LRP2: variants seen among roughly 807,000 people sequenced by gnomAD.
The protein encoded by LRP2 is low-density lipoprotein receptor-related protein 2.
LRP2 carries 172 observed loss-of-function variants against 531.0 expected under a neutral mutation model. That is an observed-to-expected ratio of 0.32 (90% CI 0.29 to 0.37). The LOEUF (loss-of-function observed/expected upper bound fraction) is 0.37, where lower values mean the gene tolerates loss of function less well. LRP2 is among the 10% of genes least tolerant of loss of function. The pLI, the probability that LRP2 is intolerant of heterozygous loss-of-function variation, is 1.00. For synonymous variants in LRP2, 1,992 were observed against 2,027.6 expected, an observed-to-expected ratio of 0.98 and a Z score of 0.47; for missense variants, 5,167 against 5,868.3, an observed-to-expected ratio of 0.88 and a Z score of 3.90.
chr2:169,295,489 T>C (rs1684112157), intron 4 of LRP2, among the ~76,000 whole-genome samples: 1 of 152,210 alleles, frequency 6.6e-6, no homozygotes, highest in Non-Finnish European at 1.5e-5. Context: ...AGGAATAACG[T>C]GCTATCTGTC....
chr2:169,205,334 A>G, intron 41 of LRP2, 145 bp downstream of exon 41: 1 of 864,944 alleles, frequency 1.2e-6, no homozygotes, highest in Non-Finnish European at 1.9e-6. Flanking sequence ...TCCAATATAA[A>G]CATAGTTCCT....
At chr2:169,173,566 A>G (rs1007056832) in intron 56 of LRP2, among the ~76,000 whole-genome samples, 3 of 152,158 alleles carry the variant, frequency 2.0e-5, no homozygotes, top group Non-Finnish European at 4.4e-5. Context: ...CAGTTTCCTC[A>G]TCTGTAAAAT....
At chr2:169,299,138 AG>A (rs1684217528) in intron 4 of LRP2, among the ~76,000 whole-genome samples, 1 of 45,704 alleles carries the variant, frequency 2.2e-5, no homozygotes, top group Non-Finnish European at 5.4e-5. Context: ...AAAGAAAGAA[AG>A]AAAGAAAGAA....
In LRP2 at chr2:169,294,892, CATTA is replaced by C. The variant is rs1422291830; in HGVS notation, c.428-186_428-183del. Reference sequence around the variant, plus strand: ...AGTAAGGCTGGACATGGGAGACAGACATTAATCAAATAAGACACAAATGGTAAAT... The same window carrying C: ...AGTAAGGCTGGACATGGGAGACAGACATCAAATAAGACACAAATGGTAAAT... On this transcript the variant is annotated intron_variant, in intron 4 of 78. Coordinates refer to ENST00000649046, the MANE Select transcript of LRP2 (RefSeq NM_004525.3). Among the ~76,000 whole-genome samples the C allele has an allele frequency of 3.5e-5, 3 of 84,828 alleles. No individual in the cohort carries two copies. The South Asian group carries it at 1.5e-3, about 42-fold the overall frequency. 55.7% of individuals were successfully genotyped at this position (84,828 alleles called of 152,430 possible).
chr2:169,307,519 C>G (rs1033583251), intron 3 of LRP2, 122 bp from the exon 4 acceptor site: 9 of 703,180 alleles, frequency 1.3e-5, no homozygotes, highest in Admixed American at 4.0e-5. Flanking sequence ...AAGTACCTGG[C>G]TACCACCAAG....
intron 1 of LRP2, among the ~76,000 whole-genome samples, chr2:169,329,391 C>T (rs1408223020): frequency 6.6e-6 from 1 of 152,014 alleles, no homozygotes; most frequent in Non-Finnish European, 1.5e-5. Flanking sequence ...AAAAAAAGAA[C>T]AAAAACTTGA....
chr2:169,268,470 C>T (rs1210647872), intron 16 of LRP2, among the ~76,000 whole-genome samples: 5 of 152,162 alleles, frequency 3.3e-5, no homozygotes, highest in Admixed American at 1.3e-4. Flanking sequence ...AATCAATAAA[C>T]GTAATCCAGC....
At chr2:169,351,545 G>T (rs1394540134) in intron 1 of LRP2, among the ~76,000 whole-genome samples, 1 of 152,198 alleles carries the variant, frequency 6.6e-6, no homozygotes, top group Non-Finnish European at 1.5e-5. Flanking sequence ...AATGATGATG[G>T]TTGAGTTATA....
intron 52 of LRP2, among the ~76,000 whole-genome samples, chr2:169,179,143 G>A (rs1253658683): frequency 6.6e-6 from 1 of 151,938 alleles, no homozygotes; most frequent in African/African-American, 2.4e-5. Context: ...CTGAGTAGCT[G>A]GGACAGGCAG....
intron 63 of LRP2, among the ~76,000 whole-genome samples, chr2:169,161,174 A>C (rs1055820536): frequency 3.3e-5 from 5 of 152,190 alleles, no homozygotes; most frequent in Non-Finnish European, 7.3e-5. Context: ...CCTAACCTGG[A>C]CTTACATGAC....
chr2:169,161,752 G>T (rs1046084655), intron 63 of LRP2, among the ~76,000 whole-genome samples: 1 of 152,068 alleles, frequency 6.6e-6, no homozygotes, highest in African/African-American at 2.4e-5. Flanking sequence ...GGGATTACAG[G>T]CATGAGCCAC....
intron 31 of LRP2, among the ~76,000 whole-genome samples, chr2:169,231,310 G>GAAAGAAAAAAAAAA: frequency 8.6e-6 from 1 of 115,880 alleles, no homozygotes; most frequent in South Asian, 2.2e-4. Context: ...AAAAAAAAAA[G>GAAAGAAAAAAAAAA]AAAGAAAGAA....
intron 1 of LRP2, among the ~76,000 whole-genome samples, chr2:169,353,014 A>G (rs535230417): frequency 6.6e-6 from 1 of 152,320 alleles, no homozygotes; most frequent in Admixed American, 6.5e-5. Context: ...CATTCTGCAT[A>G]TGTATCCCAG....
intron 1 of LRP2, among the ~76,000 whole-genome samples, chr2:169,360,504 G>T (rs1365180422): frequency 6.6e-6 from 1 of 152,260 alleles, no homozygotes; most frequent in East Asian, 1.9e-4. Flanking sequence ...TGGTTATTTA[G>T]TGACTAAATC....
At chr2:169,195,594 C>T (rs1687978348) in intron 46 of LRP2, among the ~76,000 whole-genome samples, 1 of 152,034 alleles carries the variant, frequency 6.6e-6, no homozygotes, top group African/African-American at 2.4e-5. Context: ...CATTGGTACT[C>T]ACTGCTATTA....
chr2:169,134,489 C>T (rs1433861904), intron 76 of LRP2, among the ~76,000 whole-genome samples: 1 of 152,118 alleles, frequency 6.6e-6, no homozygotes, highest in African/African-American at 2.4e-5. Flanking sequence ...CCCATATTTC[C>T]TTTTTTCCTG....
chr2:169,187,271 T>C (rs763160140), intron 49 of LRP2, among the ~76,000 whole-genome samples: 50 of 152,196 alleles, frequency 3.3e-4, no homozygotes, highest in Non-Finnish European at 6.3e-4. Context: ...TTATCTTTCA[T>C]ATAAGGATAA....
At chr2:169,267,385 C>A (rs1683245064) in intron 16 of LRP2, among the ~76,000 whole-genome samples, 1 of 152,046 alleles carries the variant, frequency 6.6e-6, no homozygotes, top group East Asian at 1.9e-4. Flanking sequence ...TGTAAAAGAA[C>A]AGAAATTATA....
rs1574189148 is a variant in LRP2 at position 169,259,130 on chromosome 2, G to T, written c.2408C>A (p.Ser803Tyr). The T allele has an allele frequency of 6.2e-7, 1 of 1,613,266 alleles. No homozygotes were observed. The highest frequency in any genetic ancestry group is 2.2e-5 in the East Asian group (1 of 44,830). Residue 803 changes from serine to tyrosine, a missense_variant, in exon 17 of 79, where the codon TCT becomes TAT. Ser to Tyr is a moderately radical substitution (Grantham distance 144, BLOSUM62 -2). Around this residue, in one of 6 missense-constraint regions of LRP2, gnomAD observed 2,811 missense variants for 3,058.0 expected, o/e 0.92. Coordinates refer to ENST00000649046, the MANE Select transcript of LRP2 (RefSeq NM_004525.3). Reference sequence around the variant, plus strand: ...CATGACACTGATACTCTTGTAATGAGAGTCTGTCCAATAGAGATTCTTTGA... The same window carrying T: ...CATGACACTGATACTCTTGTAATGATAGTCTGTCCAATAGAGATTCTTTGA... ...WISKNLYWTD[S>Y]HYKSISVMRL... is the part of the protein sequence containing the mutation.
Sources: allele counts gnomAD v4.1 joint callset (sites outside exome capture counted in the v4.1 genomes callset), GRCh38; gene constraint gnomAD v4.1.1; regional missense constraint gnomAD v4.1.1; transcripts MANE v1.5; gene names NCBI Gene and HGNC (gene_info 2026-07-23, HGNC 2026-07-21).